Variants in SOS1 observed in about 807,000 individuals in gnomAD.
SOS1 encodes the protein son of sevenless homolog 1.
A neutral mutation model predicts 157.6 loss-of-function variants in SOS1; 25 were observed. The observed-to-expected ratio is 0.16, with a 90% confidence interval of 0.12 to 0.22. SOS1 has a LOEUF of 0.22. Ranked by LOEUF, SOS1 falls within the 10% of genes least tolerant of loss-of-function variation. SOS1 has a pLI of 1.00. For missense variants in SOS1, 1,237 were observed against 1,599.1 expected (o/e 0.77, Z 3.86); for synonymous variants, 528 against 534.0 (o/e 0.99, Z 0.16).
rs181662821 is a variant in SOS1, at chr2:39,102,099, G to A, written c.87+18237C>T. On this transcript the variant is annotated intron_variant, in intron 1 of 22. Transcript: ENST00000402219. ...CAGGCCCCATAATCCCAGCTACTCGGGAGGCTGAGGCAGGAGAATCACTTG... is the reference window on the plus strand; with the variant it reads ...CAGGCCCCATAATCCCAGCTACTCGAGAGGCTGAGGCAGGAGAATCACTTG... Among the ~76,000 whole-genome samples the A allele has an allele frequency of 7.2e-3, 1,082 of 149,368 alleles. 11 individuals carry two copies. The highest frequency in any genetic ancestry group is 0.026 in the African/African-American group (1,040 of 40,688).
rs1025912175 is a variant in SOS1, at chr2:39,120,637, G to C, written c.-215C>G. On this transcript the variant is annotated 5_prime_UTR_variant, in exon 1 of 23. Transcript: ENST00000402219. ...ACCCGACACAGGTACCAGCCGTGGA[G>C]AACGGACGCGGCCCGGAGGCGGCGG... 3.3e-6 allele frequency: 1 copy of C among 304,832 alleles called. No homozygotes were observed. The highest frequency in any genetic ancestry group is 4.8e-6 in the Non-Finnish European group (1 of 210,046). 18.9% of individuals were successfully genotyped at this position (304,832 alleles called of 1,614,324 possible). A position where few individuals can be genotyped will look rare whatever the true frequency, so the allele number is the denominator to read the frequency against.
At chr2:39,121,248 G>A (rs146749262), upstream of SOS1, among the ~76,000 whole-genome samples, 335 of 152,296 alleles carry the variant, frequency 2.2e-3, 2 homozygotes, top group African/African-American at 7.5e-3. Flanking sequence ...GCCTGCAAGG[G>A]TGGGTGATGA....
upstream of SOS1, chr2:39,121,153 G>C (rs1673879382): frequency 6.5e-6 from 1 of 153,104 alleles, no homozygotes; most frequent in South Asian, 2.0e-4. Flanking sequence ...GACAGGGAGG[G>C]CGCCCGGCCG....
At chr2:39,082,172 T>C (rs1297391325) in intron 1 of SOS1, among the ~76,000 whole-genome samples, 1 of 152,202 alleles carries the variant, frequency 6.6e-6, no homozygotes, top group Non-Finnish European at 1.5e-5. Flanking sequence ...TTGTACCCAG[T>C]AGCCATCCCC....
intron 1 of SOS1, among the ~76,000 whole-genome samples, chr2:39,100,298 C>T (rs1310872431): frequency 6.6e-6 from 1 of 152,100 alleles, no homozygotes; most frequent in Non-Finnish European, 1.5e-5. Context: ...ACCATATGAC[C>T]TAGCTGGGTA....
intron 1 of SOS1, among the ~76,000 whole-genome samples, chr2:39,076,095 TG>T (rs1206300007): frequency 3.9e-5 from 6 of 152,052 alleles, no homozygotes; most frequent in African/African-American, 1.4e-4. Context: ...TGGACATAGA[TG>T]AAAAAAAATC....
At chr2:39,091,385 G>A (rs557243381) in intron 1 of SOS1, among the ~76,000 whole-genome samples, 15 of 152,106 alleles carry the variant, frequency 9.9e-5, no homozygotes, top group South Asian at 4.2e-4. Context: ...ATAATGCAGC[G>A]TGTTCAACTT....
At chr2:39,018,225 T>G (rs1669689089) in intron 10 of SOS1, among the ~76,000 whole-genome samples, 1 of 151,926 alleles carries the variant, frequency 6.6e-6, no homozygotes, top group African/African-American at 2.4e-5. Context: ...TGTTTATCAC[T>G]TACTTGTGGA....
chr2:39,013,395 T>C (rs530010933), intron 13 of SOS1, 65 bp downstream of exon 13: 25 of 926,502 alleles, frequency 2.7e-5, no homozygotes, highest in Admixed American at 2.0e-4. Context: ...ATGACATCAA[T>C]TGATAGTCAC....
chr2:39,038,819 G>A (rs1452118100), intron 6 of SOS1, among the ~76,000 whole-genome samples: 1 of 148,408 alleles, frequency 6.7e-6, no homozygotes, highest in East Asian at 2.0e-4. Flanking sequence ...AAAGGACTTA[G>A]AATATTACAT....
At chr2:39,106,823 G>C (rs546316182) in intron 1 of SOS1, among the ~76,000 whole-genome samples, 6 of 152,224 alleles carry the variant, frequency 3.9e-5, no homozygotes, top group Admixed American at 3.3e-4. Context: ...CCACATGGTT[G>C]GACTATTCAC....
At chr2:39,053,657 G>A (rs374677980) in intron 5 of SOS1, among the ~76,000 whole-genome samples, 116 of 152,200 alleles carry the variant, frequency 7.6e-4, no homozygotes, top group African/African-American at 2.8e-3. Context: ...ATTTATGGCT[G>A]TGTGGCTACA....
At chr2:39,002,813 C>G (rs932009890) in intron 17 of SOS1, among the ~76,000 whole-genome samples, 1 of 151,990 alleles carries the variant, frequency 6.6e-6, no homozygotes, top group Non-Finnish European at 1.5e-5. Context: ...ACCTGTAATC[C>G]TAGAACTTTG....
chr2:39,114,130 C>G (rs1293184842), intron 1 of SOS1, among the ~76,000 whole-genome samples: 1 of 151,996 alleles, frequency 6.6e-6, no homozygotes, highest in East Asian at 1.9e-4. Context: ...GGGTTTTACC[C>G]TGTCACCCAG....
In SOS1 at chr2:38,981,862, GACAA is replaced by G. The variant is rs933998713; in HGVS notation, c.*3958_*3961del. On this transcript the variant is annotated 3_prime_UTR_variant, in exon 23 of 23. Transcript: ENST00000402219. ...CAACTAAAATTATACATGTCACTTT[GACAA>G]ACAAATTCTCTGGTGGTTTCACCAG... The G allele has an allele frequency of 5.6e-4, 85 of 152,240 alleles. 1 individual carries two copies. Among genetic ancestry groups the G allele is most frequent in the Admixed American group, 4.1e-3 (63 of 15,286 alleles). The allele number at this position is 152,240 out of a possible 1,614,324, so 9.4% of individuals were successfully genotyped here.
intron 2 of SOS1, among the ~76,000 whole-genome samples, chr2:39,059,597 G>A (rs1671332623): frequency 6.6e-6 from 1 of 152,004 alleles, no homozygotes; most frequent in South Asian, 2.1e-4. Flanking sequence ...GAATAAATGA[G>A]TATTCAACTA....
chr2:38,991,693 C>T (rs1011759885), intron 20 of SOS1, among the ~76,000 whole-genome samples: 5 of 152,198 alleles, frequency 3.3e-5, no homozygotes. Flanking sequence ...CACTCTTGCT[C>T]ATTCTGAGGT....
At chr2:39,005,087 A>G (rs1283628008) in intron 17 of SOS1, among the ~76,000 whole-genome samples, 1 of 152,218 alleles carries the variant, frequency 6.6e-6, no homozygotes, top group Admixed American at 6.5e-5. Context: ...ACCTGAAACT[A>G]TAGGTAGTAC....
At chr2:39,047,155 A>C (rs1670819960) in intron 6 of SOS1, among the ~76,000 whole-genome samples, 1 of 152,194 alleles carries the variant, frequency 6.6e-6, no homozygotes. Flanking sequence ...CCAAAGATAC[A>C]TGTTTCTGAA....
Sources: allele counts gnomAD v4.1 joint callset (sites outside exome capture counted in the v4.1 genomes callset), GRCh38; gene constraint gnomAD v4.1.1; transcripts MANE v1.5; gene names NCBI Gene and HGNC (gene_info 2026-07-23, HGNC 2026-07-21).